Variants in EYA2 observed in about 807,000 individuals in gnomAD.
The protein encoded by EYA2 is EYA transcriptional coactivator and phosphatase 2, also known as protein phosphatase EYA2.
Under a neutral mutation model 69.2 loss-of-function variants are expected in EYA2, and 31 were observed. That is an observed-to-expected ratio of 0.45 (90% CI 0.34 to 0.60). The LOEUF is 0.60. EYA2 is among the 20% of genes least tolerant of loss of function. EYA2 has a pLI of 0.02. For missense variants in EYA2, 622 were observed against 701.2 expected (o/e 0.89, Z 1.28); for synonymous variants, 257 against 279.4 (o/e 0.92, Z 0.80).
intron 1 of EYA2, among the ~76,000 whole-genome samples, chr20:46,943,018 G>A (rs916550829): frequency 6.6e-6 from 1 of 152,128 alleles, no homozygotes; most frequent in Non-Finnish European, 1.5e-5. Context: ...TGCCCGCCTC[G>A]GCCTCCCAAA....
At chr20:47,144,032 A>G (rs1043079334) in intron 10 of EYA2, among the ~76,000 whole-genome samples, 3 of 152,232 alleles carry the variant, frequency 2.0e-5, no homozygotes, top group Non-Finnish European at 2.9e-5. Context: ...TTTGTAAATT[A>G]TGTTCACCTT....
intron 10 of EYA2, among the ~76,000 whole-genome samples, chr20:47,156,273 G>A (rs1041215871): frequency 2.8e-4 from 41 of 147,494 alleles, no homozygotes; most frequent in African/African-American, 8.8e-4. Context: ...GACAGAGGTT[G>A]CAGTGAGCCA....
intron 1 of EYA2, among the ~76,000 whole-genome samples, chr20:46,924,324 G>A (rs958913216): frequency 2.6e-5 from 4 of 152,090 alleles, no homozygotes; most frequent in Admixed American, 6.5e-5. Flanking sequence ...TTGGGTCAAG[G>A]TGACACTTTC....
intron 1 of EYA2, among the ~76,000 whole-genome samples, chr20:46,960,567 G>A (rs73305642): frequency 0.024 from 3,642 of 152,186 alleles, 142 homozygotes; most frequent in African/African-American, 0.08. Context: ...GGCTCCCGTC[G>A]TCCAGCTCTT....
chr20:47,142,945 C>G, intron 9 of EYA2, 114 bp from the exon 10 acceptor site: 1 of 732,560 alleles, frequency 1.4e-6, no homozygotes, highest in East Asian at 2.9e-5. Context: ...ACGCGTGAGC[C>G]GAGCAGATGA....
chr20:46,972,969 T>C (rs898331970), intron 1 of EYA2, among the ~76,000 whole-genome samples: 1 of 152,204 alleles, frequency 6.6e-6, no homozygotes, highest in African/African-American at 2.4e-5. Flanking sequence ...AATGAAAGAA[T>C]TGATTCAGGC....
intron 9 of EYA2, among the ~76,000 whole-genome samples, chr20:47,121,624 C>G (rs1749218104): frequency 6.6e-6 from 1 of 152,048 alleles, no homozygotes; most frequent in African/African-American, 2.4e-5. Flanking sequence ...TTGAGACCAC[C>G]CTGGACAACA....
At chr20:47,040,523 G>A (rs1305186513) in intron 5 of EYA2, among the ~76,000 whole-genome samples, 9 of 152,216 alleles carry the variant, frequency 5.9e-5, no homozygotes, top group African/African-American at 1.9e-4. Context: ...GGCTCAGCAC[G>A]GGGCCAGCCC....
intron 4 of EYA2, among the ~76,000 whole-genome samples, chr20:47,012,520 G>T (rs146417118): frequency 1.3e-5 from 2 of 152,166 alleles, no homozygotes; most frequent in African/African-American, 4.8e-5. Context: ...TTGAGATGAA[G>T]TCTCACTCTT....
At chr20:47,005,512 T>C (rs1431505244) in intron 4 of EYA2, among the ~76,000 whole-genome samples, 1 of 152,254 alleles carries the variant, frequency 6.6e-6, no homozygotes, top group Non-Finnish European at 1.5e-5. Context: ...TATCTCTGCA[T>C]GCCCAGTGGA....
intron 1 of EYA2, among the ~76,000 whole-genome samples, chr20:46,956,960 T>G (rs1016006713): frequency 1.1e-4 from 16 of 152,182 alleles, no homozygotes; most frequent in Non-Finnish European, 2.1e-4. Flanking sequence ...AAGAACAGCA[T>G]GGGAAAAACC....
At chr20:46,961,195 C>T (rs1248153573) in intron 1 of EYA2, among the ~76,000 whole-genome samples, 1 of 151,990 alleles carries the variant, frequency 6.6e-6, no homozygotes, top group Non-Finnish European at 1.5e-5. Context: ...ATTAGCCGGG[C>T]GTGGTGGTGC....
At chr20:47,178,507 T>C (rs1420309420) in intron 12 of EYA2, among the ~76,000 whole-genome samples, 1 of 151,826 alleles carries the variant, frequency 6.6e-6, no homozygotes, top group African/African-American at 2.4e-5. Flanking sequence ...CAGGCTGGAA[T>C]GGAAAGACAG....
chr20:47,046,907 C>T (rs1342157357), intron 5 of EYA2, among the ~76,000 whole-genome samples: 1 of 152,122 alleles, frequency 6.6e-6, no homozygotes, highest in Non-Finnish European at 1.5e-5. Context: ...GCTGGGCAAC[C>T]TTAGACATGT....
chr20:47,078,328 C>T (rs570320198), intron 7 of EYA2, among the ~76,000 whole-genome samples: 51 of 39,406 alleles, frequency 1.3e-3, no homozygotes, highest in South Asian at 2.7e-3. Context: ...TGCGCGCGCG[C>T]GCGCACACAC....
At chr20:47,155,319 G>A (rs2033901933) in intron 10 of EYA2, among the ~76,000 whole-genome samples, 1 of 152,012 alleles carries the variant, frequency 6.6e-6, no homozygotes, top group Non-Finnish European at 1.5e-5. Flanking sequence ...GAATCGCCTG[G>A]AGGTGATCAA....
At chr20:47,130,261 C>CTTTTTTTTTTATTTTTTTTTTTT (rs2033306356) in intron 9 of EYA2, among the ~76,000 whole-genome samples, 1 of 81,260 alleles carries the variant, frequency 1.2e-5, no homozygotes, top group Non-Finnish European at 2.2e-5. Context: ...GGTTTATTTT[C>CTTTTTTTTTTATTTTTTTTTTTT]TTTTTTTTTT....
intron 1 of EYA2, among the ~76,000 whole-genome samples, chr20:46,908,265 G>A (rs564787544): frequency 2.0e-5 from 3 of 152,326 alleles, no homozygotes; most frequent in South Asian, 2.1e-4. Context: ...TATAAGGTAC[G>A]CAGAATATCA....
chr20:47,092,612 C>T (rs1488372229), intron 8 of EYA2, among the ~76,000 whole-genome samples: 1 of 151,966 alleles, frequency 6.6e-6, no homozygotes, highest in Non-Finnish European at 1.5e-5. Flanking sequence ...AGGGGAACGG[C>T]GGGGGTAGAG....
Sources: gnomAD v4.1 joint callset for allele counts (sites outside exome capture counted in the v4.1 genomes callset) on GRCh38, gnomAD v4.1.1 for gene constraint, MANE v1.5 for transcripts, NCBI Gene and HGNC (gene_info 2026-07-23, HGNC 2026-07-21) for gene names.